ARHGEF38: variants seen among roughly 807,000 people sequenced by gnomAD.
ARHGEF38 encodes Rho guanine nucleotide exchange factor (GEF) 38.
A neutral mutation model predicts 79.9 loss-of-function variants in ARHGEF38; 79 were observed. That is an observed-to-expected ratio of 0.99 (90% CI 0.82 to 1.19). The LOEUF (loss-of-function observed/expected upper bound fraction) is 1.19. Among genes scored for constraint, ARHGEF38 ranks in the 50% most tolerant of loss-of-function variants. ARHGEF38 has a pLI of 0.00. For synonymous variants in ARHGEF38, 366 were observed against 328.3 expected (o/e 1.11, Z -1.24); for missense variants, 962 against 907.2 (o/e 1.06, Z -0.78).
At chr4:105,558,591 C>T (rs1725363256) in intron 1 of ARHGEF38, among the ~76,000 whole-genome samples, 1 of 152,108 alleles carries the variant, frequency 6.6e-6, no homozygotes, top group South Asian at 2.1e-4. Context: ...TATATAGAAA[C>T]CAGTGTAAAA....
chr4:105,601,212 C>A (rs1417970060), intron 2 of ARHGEF38, among the ~76,000 whole-genome samples: 1 of 152,140 alleles, frequency 6.6e-6, no homozygotes. Flanking sequence ...ACCTTCTGAC[C>A]TCTTCACTCT....
At chr4:105,673,072 T>G (rs1156635066) in intron 13 of ARHGEF38, among the ~76,000 whole-genome samples, 1 of 152,170 alleles carries the variant, frequency 6.6e-6, no homozygotes, top group Non-Finnish European at 1.5e-5. Context: ...TAACTCCGAG[T>G]CAATTTCCTA....
rs1725988285 is a variant in ARHGEF38, at chr4:105,567,545, C to A, written c.196+14584C>A. 2.6e-5 allele frequency among the ~76,000 whole-genome samples: 4 copies of A among 152,120 alleles called. No individual in the cohort carries two copies. The South Asian group carries it at 8.3e-4, about 32-fold the overall frequency. On this transcript the variant is annotated intron_variant, in intron 1 of 13. Transcript: ENST00000420470. Reference sequence around the variant, plus strand: ...CACAATTAAGTCTTGAAAAATATGCCCCTTGATTGTTAAGTGGAGAAGTAC... The same window carrying A: ...CACAATTAAGTCTTGAAAAATATGCACCTTGATTGTTAAGTGGAGAAGTAC...
At chr4:105,603,172 C>G (rs972790091) in intron 2 of ARHGEF38, among the ~76,000 whole-genome samples, 4 of 152,124 alleles carry the variant, frequency 2.6e-5, no homozygotes, top group Non-Finnish European at 5.9e-5. Flanking sequence ...ATATTGAGTA[C>G]TTATTAGGAG....
At chr4:105,654,770 G>T (rs990765546) in intron 8 of ARHGEF38, among the ~76,000 whole-genome samples, 2 of 152,048 alleles carry the variant, frequency 1.3e-5, no homozygotes, top group African/African-American at 2.4e-5. Context: ...TTTTCTAATC[G>T]ATCTCATAAA....
Position 105,645,396 on chromosome 4 carries a change from A to AGACATGAT in ARHGEF38, c.874+12_874+19dup, listed in dbSNP as rs1479922526. The AGACATGAT allele has an allele frequency of 2.0e-6, 3 of 1,505,682 alleles. No individual in the cohort carries two copies. Among genetic ancestry groups the AGACATGAT allele is most frequent in the Non-Finnish European group, 8.8e-7 (1 of 1,133,380 alleles). 93.3% of individuals were successfully genotyped at this position (1,505,682 alleles called of 1,614,324 possible). A position where few individuals can be genotyped will look rare whatever the true frequency, so the allele number is the denominator to read the frequency against. ...AAGAAGGAAAGATTTAGGTAGGAAG[A>AGACATGAT]GACATGATGAATTGGTTGTTTTCCA... On this transcript the variant is annotated intron_variant, in intron 6 of 13. Coordinates refer to ENST00000420470, the MANE Select transcript of ARHGEF38 (RefSeq NM_001242729.2).
At chr4:105,653,987 T>C in intron 7 of ARHGEF38, 78 bp from the exon 8 acceptor site, 1 of 737,222 alleles carries the variant, frequency 1.4e-6, no homozygotes, top group Non-Finnish European at 2.0e-6. Context: ...TGTAATGTGC[T>C]GGACCAATAT....
At chr4:105,629,562 A>T (rs1255712519) in intron 3 of ARHGEF38, among the ~76,000 whole-genome samples, 3 of 151,934 alleles carry the variant, frequency 2.0e-5, no homozygotes, top group Admixed American at 6.5e-5. Flanking sequence ...CATCCCAATT[A>T]ATTCAGCCAC....
At chr4:105,651,912 T>C (rs1490797335) in intron 7 of ARHGEF38, among the ~76,000 whole-genome samples, 1 of 152,248 alleles carries the variant, frequency 6.6e-6, no homozygotes, top group Non-Finnish European at 1.5e-5. Flanking sequence ...GTGATTTTTC[T>C]AAACATATTG....
chr4:105,561,494 A>AATGGAATG, intron 1 of ARHGEF38: 1 of 80,850 alleles, frequency 1.2e-5, no homozygotes, highest in African/African-American at 4.2e-5. Context: ...AGAATAGAAT[A>AATGGAATG]GAATAGAATA....
Position 105,630,938 on chromosome 4 carries a change from T to C in ARHGEF38, c.549T>C (p.Ile183=). The change falls in exon 4 of 14, where the codon ATT becomes ATC. Residue 183 remains isoleucine, a synonymous_variant. Coordinates refer to ENST00000420470, the MANE Select transcript of ARHGEF38 (RefSeq NM_001242729.2). ...FLQIKGPLED[I]YKIYCYHHDE... ...AGATTAAAGGGCCACTGGAAGATAT[T>C]TATAAAATCTACTGCTATCACCATG... 1 of 1,612,404 alleles carries C rather than the reference T, an allele frequency of 6.2e-7. No individual in the cohort carries two copies. Among genetic ancestry groups the C allele is most frequent in the East Asian group, 2.2e-5 (1 of 44,784 alleles).
Position 105,679,043 on chromosome 4 carries a change from C to G in ARHGEF38, c.*1106C>G. 1 of 402,612 alleles carries G rather than the reference C, an allele frequency of 2.5e-6. No homozygotes were observed. Among genetic ancestry groups the G allele is most frequent in the Non-Finnish European group, 4.1e-6 (1 of 243,384 alleles). The allele number at this position is 402,612 out of a possible 1,614,324, so 24.9% of individuals were successfully genotyped here. On this transcript the variant is annotated 3_prime_UTR_variant, in exon 14 of 14. Coordinates refer to ENST00000420470, the MANE Select transcript of ARHGEF38 (RefSeq NM_001242729.2). The stretch of plus-strand genomic sequence containing the variant: ...AAGCTCACACTGCTAAATTAACTAT[C>G]AAATACTCAGTCAAAACTCCATTTG...
chr4:105,653,533 G>A (rs1730196178), intron 7 of ARHGEF38, among the ~76,000 whole-genome samples: 1 of 152,082 alleles, frequency 6.6e-6, no homozygotes, highest in Non-Finnish European at 1.5e-5. Context: ...ATATTGGCCA[G>A]GCTGGACTCG....
chr4:105,556,166 C>T (rs537813564), intron 1 of ARHGEF38, among the ~76,000 whole-genome samples: 13 of 152,232 alleles, frequency 8.5e-5, no homozygotes, highest in Admixed American at 4.6e-4. Context: ...GCCCTTGATA[C>T]ATTGGAAAGA....
chr4:105,575,420 T>G (rs1004205409), intron 1 of ARHGEF38, among the ~76,000 whole-genome samples: 1 of 152,224 alleles, frequency 6.6e-6, no homozygotes, highest in Non-Finnish European at 1.5e-5. Context: ...ATGTTGAGCA[T>G]TTTTTCATGT....
intron 11 of ARHGEF38, 80 bp downstream of exon 11, chr4:105,666,400 G>A: frequency 7.4e-7 from 1 of 1,358,460 alleles, no homozygotes; most frequent in Non-Finnish European, 9.6e-7. Flanking sequence ...TTATTTTCCA[G>A]ATCACTTATC....
At chr4:105,647,022 G>A (rs1729871126) in intron 6 of ARHGEF38, among the ~76,000 whole-genome samples, 2 of 152,120 alleles carry the variant, frequency 1.3e-5, no homozygotes, top group African/African-American at 4.8e-5. Context: ...CATACATGGA[G>A]ATCAGGGTGC....
rs530187145 is a variant in ARHGEF38 at position 105,593,216 on chromosome 4, G to T, written c.384+3781G>T. 2.0e-5 allele frequency among the ~76,000 whole-genome samples: 3 copies of T among 152,136 alleles called. No individual in the cohort carries two copies. In the South Asian group the frequency reaches 6.2e-4, roughly 32 times the overall value. On this transcript the variant is annotated intron_variant, in intron 2 of 13. Transcript: ENST00000420470. Reference sequence around the variant, plus strand: ...CAATTTATCAAAAATCTGTCCCTGCGATTGGCTAATGATCAATATAAAAAA... The same window carrying T: ...CAATTTATCAAAAATCTGTCCCTGCTATTGGCTAATGATCAATATAAAAAA...
intron 2 of ARHGEF38, among the ~76,000 whole-genome samples, chr4:105,605,090 G>A (rs866150982): frequency 1.1e-4 from 17 of 151,964 alleles, no homozygotes; most frequent in African/African-American, 3.1e-4. Context: ...ATTCAAAGTA[G>A]GAAAAGGAAG....
Sources: gnomAD v4.1 joint callset for allele counts (sites outside exome capture counted in the v4.1 genomes callset) on GRCh38, gnomAD v4.1.1 for gene constraint, MANE v1.5 for transcripts, NCBI Gene and HGNC (gene_info 2026-07-23, HGNC 2026-07-21) for gene names.